The following RMDN2 variants were observed in gnomAD, a reference collection of about 807,000 sequenced individuals.
The protein encoded by RMDN2 is regulator of microtubule dynamics 2.
RMDN2 carries 61 observed loss-of-function variants against 52.8 expected under a neutral mutation model. The ratio of observed to expected loss-of-function variants is 1.16; its 90% CI spans 0.94 to 1.43. The LOEUF is 1.43. Among genes scored for constraint, RMDN2 ranks in the 40% most tolerant of loss-of-function variants. RMDN2 has a pLI of 0.00. For synonymous variants in RMDN2, 180 were observed against 153.1 expected (o/e 1.18, Z -1.30); for missense variants, 592 against 475.3 (o/e 1.25, Z -2.28).
intron 10 of RMDN2, among the ~76,000 whole-genome samples, chr2:38,026,062 A>T (rs1679758806): frequency 6.6e-6 from 1 of 152,084 alleles, no homozygotes; most frequent in South Asian, 2.1e-4. Context: ...TCACTCGTGA[A>T]CCCATCTGAA....
intron 2 of RMDN2, among the ~76,000 whole-genome samples, chr2:37,935,200 G>A (rs1399703235): frequency 6.6e-6 from 1 of 152,118 alleles, no homozygotes; most frequent in Admixed American, 6.5e-5. Flanking sequence ...ATAATGTCAG[G>A]CATAGTATAT....
intron 10 of RMDN2, among the ~76,000 whole-genome samples, chr2:38,057,768 T>A (rs1285376105): frequency 6.6e-6 from 1 of 152,154 alleles, no homozygotes; most frequent in Non-Finnish European, 1.5e-5. Flanking sequence ...GATCTGGTTG[T>A]TTAAAAGTAT....
At chr2:37,950,592 T>G (rs1433285899) in intron 2 of RMDN2, 2 of 1,613,132 alleles carry the variant, frequency 1.2e-6, no homozygotes, top group South Asian at 1.1e-5. Context: ...GGAAAGTGCT[T>G]AAGGTAAGCC....
chr2:37,996,538 C>A (rs373044791), intron 7 of RMDN2, among the ~76,000 whole-genome samples: 1 of 145,518 alleles, frequency 6.9e-6, no homozygotes, highest in Non-Finnish European at 1.5e-5. Flanking sequence ...GAGCCATGAT[C>A]GTGCCGCTGT....
intron 2 of RMDN2, among the ~76,000 whole-genome samples, chr2:37,933,141 A>T (rs963525443): frequency 2.0e-5 from 3 of 149,076 alleles, no homozygotes; most frequent in Non-Finnish European, 4.5e-5. Flanking sequence ...ACGGGGCAGC[A>T]GGGCAGAGGT....
At chr2:37,997,030 G>A (rs1290227558) in intron 7 of RMDN2, among the ~76,000 whole-genome samples, 1 of 152,100 alleles carries the variant, frequency 6.6e-6, no homozygotes. Flanking sequence ...CCTGTGTGCT[G>A]TACGAAGAGA....
At chr2:38,006,177 G>A (rs999066366) in intron 10 of RMDN2, among the ~76,000 whole-genome samples, 1 of 152,146 alleles carries the variant, frequency 6.6e-6, no homozygotes, top group Non-Finnish European at 1.5e-5. Flanking sequence ...GATTGACTTG[G>A]CAATGTGGGC....
intron 2 of RMDN2, among the ~76,000 whole-genome samples, chr2:37,930,974 C>T (rs1666688088): frequency 1.3e-5 from 2 of 152,168 alleles, no homozygotes; most frequent in African/African-American, 4.8e-5. Context: ...TCCCTCCAGG[C>T]TCAAGACACA....
At chr2:38,001,121 T>G (rs1032515651) in intron 8 of RMDN2, among the ~76,000 whole-genome samples, 1 of 152,196 alleles carries the variant, frequency 6.6e-6, no homozygotes, top group African/African-American at 2.4e-5. Flanking sequence ...TGTCCTGATA[T>G]GGTATAAGGC....
chr2:38,025,407 G>T (rs962905605), intron 10 of RMDN2, among the ~76,000 whole-genome samples: 2 of 152,084 alleles, frequency 1.3e-5, no homozygotes, highest in Middle Eastern at 3.4e-3. Flanking sequence ...CTACTACTGT[G>T]ATTATATCAG....
intron 2 of RMDN2, chr2:37,952,539 T>A (rs1668967987): frequency 2.6e-6 from 1 of 389,486 alleles, no homozygotes; most frequent in Non-Finnish European, 4.6e-6. Context: ...GTATGGACTT[T>A]CTAAAAGTAA....
chr2:38,012,893 A>T (rs1343901752), intron 10 of RMDN2, among the ~76,000 whole-genome samples: 2 of 152,164 alleles, frequency 1.3e-5, no homozygotes, highest in East Asian at 3.8e-4. Context: ...TTCTTGTGGC[A>T]TTTATAGCTT....
chr2:38,046,570 C>A (rs1681283656), intron 10 of RMDN2, among the ~76,000 whole-genome samples: 1 of 151,846 alleles, frequency 6.6e-6, no homozygotes, highest in Non-Finnish European at 1.5e-5. Context: ...ACATGCTAAG[C>A]ACATCATAGT....
chr2:37,975,268 T>C lies in RMDN2; in HGVS notation c.684T>C (p.Tyr228=). 6.2e-7 allele frequency: 1 copy of C among 1,610,390 alleles called. No homozygotes were observed. Among genetic ancestry groups the C allele is most frequent in the Non-Finnish European group, 8.5e-7 (1 of 1,176,702 alleles). The part of the protein sequence containing the change: ...WRFARAYGDM[Y]ELSTNTQEKK... ...TTGCTCGTGCTTATGGAGACATGTA[T>C]GAACTATCTACAAACACACAAGAAA... Residue 228 remains tyrosine, a synonymous_variant, in exon 4 of 11, where the codon TAT becomes TAC. Transcript: ENST00000354545.
At chr2:37,965,441 A>G (rs546263723) in intron 2 of RMDN2, among the ~76,000 whole-genome samples, 1 of 151,484 alleles carries the variant, frequency 6.6e-6, no homozygotes, top group Non-Finnish European at 1.5e-5. Context: ...TCCTAAAGTT[A>G]TAACAACATA....
chr2:38,010,329 C>G (rs1677781287), intron 10 of RMDN2, among the ~76,000 whole-genome samples: 1 of 152,226 alleles, frequency 6.6e-6, no homozygotes, highest in South Asian at 2.1e-4. Flanking sequence ...CAGAGGCAGG[C>G]AGGCCTCCTT....
intron 2 of RMDN2, among the ~76,000 whole-genome samples, chr2:37,967,830 C>G (rs1035376747): frequency 6.6e-6 from 1 of 152,056 alleles, no homozygotes; most frequent in African/African-American, 2.4e-5. Flanking sequence ...TTTAAAGCAC[C>G]AATTTTTCTT....
chr2:38,017,705 T>C lies in RMDN2; in HGVS notation c.*466T>C, dbSNP rs1359083702. 2.3e-6 allele frequency: 1 copy of C among 442,942 alleles called. No individual in the cohort carries two copies. Among genetic ancestry groups the C allele is most frequent in the Non-Finnish European group, 3.9e-6 (1 of 256,356 alleles). 27.4% of individuals were successfully genotyped at this position (442,942 alleles called of 1,614,324 possible). On this transcript the variant is annotated 3_prime_UTR_variant, in exon 11 of 11. Coordinates refer to ENST00000354545, the MANE Select transcript of RMDN2 (RefSeq NM_001170791.3). ...AGTATTGTAACTGGTAATCAAAAGA[T>C]GTGAATAAAATTACAATAAAATACT... is the stretch of plus-strand genomic sequence containing the variant.
At chr2:37,973,218 T>A (rs936715216) in intron 2 of RMDN2, among the ~76,000 whole-genome samples, 1 of 152,240 alleles carries the variant, frequency 6.6e-6, no homozygotes, top group Admixed American at 6.5e-5. Context: ...AGGCAGAGTC[T>A]GAATTAATAA....
Sources: allele counts gnomAD v4.1 joint callset (sites outside exome capture counted in the v4.1 genomes callset), GRCh38; gene constraint gnomAD v4.1.1; transcripts MANE v1.5; gene names NCBI Gene and HGNC (gene_info 2026-07-23, HGNC 2026-07-21).